The following DLGAP1 variants were observed in gnomAD, a reference collection of about 807,000 sequenced individuals.
DLGAP1 encodes the protein DLG associated protein 1.
Under a neutral mutation model 90.8 loss-of-function variants are expected in DLGAP1, and 11 were observed. The ratio of observed to expected loss-of-function variants is 0.12; its 90% CI spans 0.08 to 0.20. The LOEUF (loss-of-function observed/expected upper bound fraction) is 0.20. DLGAP1 is among the 10% of genes least tolerant of loss of function. DLGAP1 has a pLI of 1.00. For missense variants in DLGAP1, 1,050 were observed against 1,333.8 expected (o/e 0.79, Z 3.31); for synonymous variants, 558 against 540.7 (o/e 1.03, Z -0.44).
At chr18:4,121,334 A>G (rs1233145529) in intron 2 of DLGAP1, among the ~76,000 whole-genome samples, 1 of 152,116 alleles carries the variant, frequency 6.6e-6, no homozygotes. Flanking sequence ...GGATGAAGGG[A>G]CAAAGCATCT....
chr18:3,821,966 C>T (rs1165589232), intron 4 of DLGAP1: 13 of 983,760 alleles, frequency 1.3e-5, no homozygotes, highest in African/African-American at 3.5e-5. Context: ...TTGACAAATG[C>T]GACTTGGCTT....
At chr18:4,161,606 C>T (rs1465746673) in intron 1 of DLGAP1, among the ~76,000 whole-genome samples, 1 of 152,024 alleles carries the variant, frequency 6.6e-6, no homozygotes, top group Non-Finnish European at 1.5e-5. Context: ...ATAGAAGAGC[C>T]TTATTTTTTA....
At chr18:3,830,151 C>T (rs2148548541) in intron 4 of DLGAP1, among the ~76,000 whole-genome samples, 1 of 152,322 alleles carries the variant, frequency 6.6e-6, no homozygotes, top group Non-Finnish European at 1.5e-5. Flanking sequence ...AGGTGCCTGG[C>T]ATGTCAATTT....
intron 1 of DLGAP1, among the ~76,000 whole-genome samples, chr18:4,251,419 C>T (rs1345761543): frequency 6.6e-6 from 1 of 152,182 alleles, no homozygotes; most frequent in African/African-American, 2.4e-5. Context: ...GGAGTCCTAA[C>T]TTCTCACCCT....
chr18:4,332,913 G>A (rs547751145), intron 1 of DLGAP1, among the ~76,000 whole-genome samples: 2 of 151,956 alleles, frequency 1.3e-5, no homozygotes, highest in South Asian at 4.1e-4. Flanking sequence ...AAAAAATCGA[G>A]TTTAAAACTA....
chr18:4,275,599 G>T (rs1598787877), intron 1 of DLGAP1, among the ~76,000 whole-genome samples: 1 of 149,482 alleles, frequency 6.7e-6, no homozygotes, highest in Non-Finnish European at 1.5e-5. Context: ...GATTTTAGCT[G>T]TTTTTTTTTT....
At chr18:3,797,994 T>C (rs990017803) in intron 5 of DLGAP1, among the ~76,000 whole-genome samples, 2 of 152,178 alleles carry the variant, frequency 1.3e-5, no homozygotes, top group Non-Finnish European at 2.9e-5. Context: ...TTGGCTCTCA[T>C]TGCCGCTCTT....
In DLGAP1 at chr18:3,670,762, A is replaced by T. The variant is rs551374724; in HGVS notation, c.1591+58373T>A. ...GATTATACCTGCTTGTATTAACCAT[A>T]TCCTGAAATTAATGTTTGCTGTCAT... On this transcript the variant is annotated intron_variant, in intron 7 of 12. Transcript: ENST00000315677. Among the ~76,000 whole-genome samples the T allele has an allele frequency of 5.9e-5, 9 of 152,338 alleles. No homozygotes were observed. In the South Asian group the frequency reaches 1.7e-3, roughly 28 times the overall value.
At chr18:4,448,287 T>C (rs558898262) in intron 1 of DLGAP1, among the ~76,000 whole-genome samples, 2 of 152,304 alleles carry the variant, frequency 1.3e-5, no homozygotes, top group East Asian at 3.9e-4. Context: ...TACATTTTAA[T>C]CGTATTCTTT....
intron 2 of DLGAP1, among the ~76,000 whole-genome samples, chr18:4,029,411 G>A (rs1367839933): frequency 6.6e-6 from 1 of 151,942 alleles, no homozygotes; most frequent in Non-Finnish European, 1.5e-5. Context: ...ATTTTTTGAG[G>A]ACCTTCCATA....
At chr18:3,760,233 G>C (rs1419821629) in intron 5 of DLGAP1, among the ~76,000 whole-genome samples, 1 of 152,104 alleles carries the variant, frequency 6.6e-6, no homozygotes, top group Non-Finnish European at 1.5e-5. Flanking sequence ...GAGGCCCAGT[G>C]GGACTGTGAT....
intron 4 of DLGAP1, among the ~76,000 whole-genome samples, chr18:3,878,604 G>A (rs78946066): frequency 0.011 from 1,737 of 152,218 alleles, 25 homozygotes; most frequent in Middle Eastern, 0.041. Flanking sequence ...AGCTCAGGTC[G>A]GGGTGTAGTT....
intron 1 of DLGAP1, among the ~76,000 whole-genome samples, chr18:4,405,382 CT>C (rs1205366105): frequency 6.6e-6 from 1 of 151,914 alleles, no homozygotes; most frequent in East Asian, 1.9e-4. Flanking sequence ...AATTCAGACA[CT>C]ACTTTGAAAC....
rs557507201 is a variant in DLGAP1, at chr18:4,322,627, A to C, written c.-267+132379T>G. ...TCACTCTCTGAAAGTACAAGCAACA[A>C]AAATAAAAATAGACAAATAGGATTG... On this transcript the variant is annotated intron_variant, in intron 1 of 12. Coordinates refer to ENST00000315677, the MANE Select transcript of DLGAP1 (RefSeq NM_004746.4). 4.6e-5 allele frequency among the ~76,000 whole-genome samples: 7 copies of C among 152,294 alleles called. No individual in the cohort carries two copies. In the South Asian group the frequency reaches 1.4e-3, roughly 32 times the overall value.
intron 2 of DLGAP1, among the ~76,000 whole-genome samples, chr18:4,089,868 A>G (rs933754208): frequency 6.6e-5 from 10 of 152,130 alleles, no homozygotes; most frequent in Admixed American, 3.3e-4. Flanking sequence ...ACACGGTGAA[A>G]CCCCGTCTCT....
intron 1 of DLGAP1, among the ~76,000 whole-genome samples, chr18:4,301,094 T>C (rs370811117): frequency 6.6e-6 from 1 of 152,220 alleles, no homozygotes; most frequent in Non-Finnish European, 1.5e-5. Flanking sequence ...CCAATTAACA[T>C]ATCTATCAAC....
intron 1 of DLGAP1, among the ~76,000 whole-genome samples, chr18:4,368,879 GGACA>G (rs1417513015): frequency 6.6e-6 from 1 of 152,024 alleles, no homozygotes; most frequent in Non-Finnish European, 1.5e-5. Context: ...ATGGATAGAT[GGACA>G]GACAGACAGG....
At chr18:4,402,497 C>G (rs1451637025) in intron 1 of DLGAP1, among the ~76,000 whole-genome samples, 1 of 152,100 alleles carries the variant, frequency 6.6e-6, no homozygotes, top group Non-Finnish European at 1.5e-5. Flanking sequence ...CTATGGGAAG[C>G]AGGCCGGGAA....
intron 4 of DLGAP1, among the ~76,000 whole-genome samples, chr18:3,844,659 C>A (rs1039528885): frequency 6.6e-6 from 1 of 152,158 alleles, no homozygotes; most frequent in African/African-American, 2.4e-5. Context: ...ATTCACATTA[C>A]CAGCACGCTG....
Sources: allele counts gnomAD v4.1 joint callset (sites outside exome capture counted in the v4.1 genomes callset), GRCh38; gene constraint gnomAD v4.1.1; transcripts MANE v1.5; gene names NCBI Gene and HGNC (gene_info 2026-07-23, HGNC 2026-07-21).